The following SULT1E1 variants were observed in gnomAD, a reference collection of about 807,000 sequenced individuals.
SULT1E1 encodes the protein sulfotransferase family 1E member 1, also known as sulfotransferase 1E1.
SULT1E1 carries 36 observed loss-of-function variants against 33.6 expected under a neutral mutation model. That is an observed-to-expected ratio of 1.07 (90% CI 0.82 to 1.41). SULT1E1 has a LOEUF of 1.41. SULT1E1 is among the 40% of genes most tolerant of loss of function. The pLI is 0.00. For missense variants in SULT1E1, 371 were observed against 345.7 expected (o/e 1.07, Z -0.58); for synonymous variants, 121 against 111.7 (o/e 1.08, Z -0.53).
At chr4:69,839,858 T>C (rs1188742116), downstream of SULT1E1, among the ~76,000 whole-genome samples, 2 of 152,212 alleles carry the variant, frequency 1.3e-5, no homozygotes, top group Non-Finnish European at 1.5e-5. Context: ...CAGAAGTTTC[T>C]TGGCAAGCTT....
chr4:69,844,318 T>C lies in SULT1E1; in HGVS notation c.615A>G (p.Lys205=), dbSNP rs1358077614. The C allele has an allele frequency of 6.2e-7, 1 of 1,613,296 alleles. No homozygotes were observed. The highest frequency in any genetic ancestry group is 8.5e-7 in the Non-Finnish European group (1 of 1,179,578). The change falls in exon 7 of 8, where the codon AAA becomes AAG. Residue 205 remains lysine, a synonymous_variant. Transcript: ENST00000226444. The part of the protein sequence containing the change: ...LKEDIRKEVI[K]LIHFLERKPS... Reference sequence around the variant, plus strand: ...GCTTCCTTTCCAGGAAATGTATCAATTTTATCACCTCTTTTCTGATATCCT... The same window carrying C: ...GCTTCCTTTCCAGGAAATGTATCAACTTTATCACCTCTTTTCTGATATCCT...
chr4:69,858,514 C>T (rs1433567177), intron 1 of SULT1E1, among the ~76,000 whole-genome samples: 1 of 152,120 alleles, frequency 6.6e-6, no homozygotes, highest in African/African-American at 2.4e-5. Context: ...AAGTTTCTGA[C>T]ATAGCTTCCC....
the SULT1E1 span, among the ~76,000 whole-genome samples, chr4:69,824,284 A>C: frequency 4.6e-5 from 7 of 152,184 alleles, no homozygotes; most frequent in Non-Finnish European, 1.0e-4. Context: ...TTCCTGGATA[A>C]GTATGCCACC....
chr4:69,853,456 T>A (rs1279214843), intron 4 of SULT1E1, among the ~76,000 whole-genome samples: 3 of 152,292 alleles, frequency 2.0e-5, no homozygotes, highest in Non-Finnish European at 4.4e-5. Flanking sequence ...GTACACTTAA[T>A]CTTCCAGCCA....
intron 4 of SULT1E1, 48 bp from the exon 5 acceptor site, chr4:69,849,611 C>G: frequency 6.7e-7 from 1 of 1,499,998 alleles, no homozygotes; most frequent in Non-Finnish European, 8.9e-7. Flanking sequence ...TTTTTTCAAA[C>G]AGTCTCATCA....
At chr4:69,844,061 G>A in intron 7 of SULT1E1, 100 bp downstream of exon 7, 1 of 1,049,704 alleles carries the variant, frequency 9.5e-7, no homozygotes, top group Admixed American at 2.0e-5. Context: ...GAAAACTTAA[G>A]CTGGGTTCAT....
intron 4 of SULT1E1, 79 bp downstream of exon 4, chr4:69,854,138 C>A: frequency 1.1e-6 from 1 of 917,766 alleles, no homozygotes. Flanking sequence ...AATAAATAAA[C>A]AAGTGTGTAT....
intron 4 of SULT1E1, among the ~76,000 whole-genome samples, chr4:69,853,351 CA>C (rs1254957200): frequency 6.6e-6 from 1 of 152,088 alleles, no homozygotes; most frequent in East Asian, 1.9e-4. Flanking sequence ...TCCTCATTAC[CA>C]TTAAAATGTC....
At chr4:69,850,628 C>A (rs1373345845) in intron 4 of SULT1E1, among the ~76,000 whole-genome samples, 1 of 152,060 alleles carries the variant, frequency 6.6e-6, no homozygotes, top group African/African-American at 2.4e-5. Context: ...CTTCCTAGTT[C>A]TTTTCATCTA....
the SULT1E1 span, among the ~76,000 whole-genome samples, chr4:69,829,534 C>G: frequency 6.6e-6 from 1 of 152,256 alleles, no homozygotes; most frequent in East Asian, 1.9e-4. Flanking sequence ...AGCCTCCATT[C>G]CTCAGCTTTC....
At chr4:69,855,513 A>G (rs1398063130) in intron 2 of SULT1E1, 87 bp from the exon 3 acceptor site, 1 of 1,419,168 alleles carries the variant, frequency 7.0e-7, no homozygotes, top group East Asian at 2.3e-5. Context: ...AAAAAGTTGG[A>G]AGGTACCAAT....
the SULT1E1 span, among the ~76,000 whole-genome samples, chr4:69,834,712 CAGG>C: frequency 6.6e-6 from 1 of 152,070 alleles, no homozygotes; most frequent in African/African-American, 2.4e-5. Flanking sequence ...GTAGCATCAG[CAGG>C]AGAAGAAAGT....
chr4:69,849,796 T>G (rs147068061), intron 4 of SULT1E1, among the ~76,000 whole-genome samples: 174 of 152,140 alleles, frequency 1.1e-3, no homozygotes, highest in African/African-American at 3.9e-3. Flanking sequence ...AACATTATTA[T>G]GCCATTTTCA....
rs1235741433 is a variant in SULT1E1, at chr4:69,855,356, A to G, written c.216T>C (p.Asp72=). The change falls in exon 3 of 8, where the codon GAT becomes GAC. Residue 72 remains aspartate (D), a synonymous_variant. Coordinates refer to ENST00000226444, the MANE Select transcript of SULT1E1 (RefSeq NM_005420.3). ...KEGDVEKCKE[D]VIFNRIPFLE... ...GGAAAGGTATTCGATTAAAAATTAC[A>G]TCTTCTTTGCACTTTTCCACATCAC... is the stretch of plus-strand genomic sequence containing the variant. 5.0e-6 allele frequency: 8 copies of G among 1,613,304 alleles called. No homozygotes were observed. Among genetic ancestry groups the G allele is most frequent in the Admixed American group, 1.7e-5 (1 of 59,988 alleles).
the SULT1E1 span, among the ~76,000 whole-genome samples, chr4:69,822,263 C>T: frequency 0.013 from 1,949 of 152,238 alleles, 33 homozygotes; most frequent in African/African-American, 0.044. Context: ...TACCATTTCA[C>T]AGGTAAAGAT....
At position 69,854,400 on chromosome 4, in the gene SULT1E1, T is replaced by C. The variant is rs1721194099; in HGVS notation, c.272-86A>G. The C allele has an allele frequency of 3.7e-6, 3 of 809,352 alleles. No homozygotes were observed. In the African/African-American group the frequency reaches 5.2e-5, roughly 14 times the overall value. 50.1% of individuals were successfully genotyped at this position (809,352 alleles called of 1,614,324 possible). A position where few individuals can be genotyped will look rare whatever the true frequency, so the allele number is the denominator to read the frequency against. On this transcript the variant is annotated intron_variant, in intron 3 of 7. Transcript: ENST00000226444. ...TATATAGATATTTGTAAAATAGAAG[T>C]AATTCTAAGATTCTATATTGTAATT...
intron 2 of SULT1E1, 45 bp downstream of exon 2, chr4:69,857,455 G>A: frequency 6.4e-7 from 1 of 1,567,826 alleles, no homozygotes; most frequent in Non-Finnish European, 8.6e-7. Context: ...CATTTACAGT[G>A]TGTTTGTTAT....
At chr4:69,856,862 G>A (rs1442554551) in intron 2 of SULT1E1, among the ~76,000 whole-genome samples, 1 of 148,678 alleles carries the variant, frequency 6.7e-6, no homozygotes, top group African/African-American at 2.5e-5. Context: ...CAGGAACCCA[G>A]GAGGCGGAGT....
At chr4:69,841,209 A>C (rs1720879600), downstream of SULT1E1, 1 of 152,194 alleles carries the variant, frequency 6.6e-6, no homozygotes, top group Non-Finnish European at 1.5e-5. Context: ...TCAATCACAA[A>C]AATAATTTGA....
Sources: gnomAD v4.1 joint callset for allele counts (sites outside exome capture counted in the v4.1 genomes callset) on GRCh38, gnomAD v4.1.1 for gene constraint, MANE v1.5 for transcripts, NCBI Gene and HGNC (gene_info 2026-07-23, HGNC 2026-07-21) for gene names.